Variants in PCLO observed in about 807,000 individuals in gnomAD.
The protein encoded by PCLO is piccolo presynaptic cytomatrix protein, also known as protein piccolo.
PCLO carries 82 observed loss-of-function variants against 427.5 expected under a neutral mutation model. The observed-to-expected ratio is 0.19, with a 90% CI of 0.16 to 0.23. The LOEUF (loss-of-function observed/expected upper bound fraction) is 0.23, where lower values mean the gene tolerates loss of function less well. Among genes scored for constraint, PCLO ranks in the 10% least tolerant of loss-of-function variants. The pLI is 1.00. For missense variants in PCLO, 6,239 were observed against 6,115.9 expected (o/e 1.02, Z -0.67); for synonymous variants, 2,357 against 2,155.4 (o/e 1.09, Z -2.59).
rs758456250 is a variant in PCLO at position 82,953,574 on chromosome 7, G to C, written c.7379C>G (p.Thr2460Ser). The C allele has an allele frequency of 1.2e-6, 2 of 1,612,418 alleles. No homozygotes were observed. The highest frequency in any genetic ancestry group is 2.2e-5 in the East Asian group (1 of 44,792). Residue 2460 changes from threonine (T) to serine (S), a missense_variant, in exon 5 of 25, where the codon ACT becomes AGT. Thr to Ser is a moderately conservative substitution (Grantham distance 58, BLOSUM62 1). Coordinates refer to ENST00000333891, the MANE Select transcript of PCLO (RefSeq NM_033026.6). ...TTATPLFDAV[T>S]TLETTAVLRS... ...CAGAACAGCTGTGGTCTCTAGAGTA[G>C]TAACAGCATCAAACAGAGGTGTAGC...
Position 83,140,326 on chromosome 7 carries a change from C to G in PCLO, c.1894-4670G>C, listed in dbSNP as rs1791830068. Among the ~76,000 whole-genome samples the G allele has an allele frequency of 2.0e-5, 3 of 152,104 alleles. No homozygotes were observed. The South Asian group carries it at 6.2e-4, about 32-fold the overall frequency. On this transcript the variant is annotated intron_variant, in intron 2 of 24. Coordinates refer to ENST00000333891, the MANE Select transcript of PCLO (RefSeq NM_033026.6). ...GTAACCTGTTTAATACAACCACTCC[C>G]CTTCAAACCTCAATGCCTTAATGCC...
chr7:83,069,482 G>C (rs1308489890), intron 3 of PCLO, among the ~76,000 whole-genome samples: 4 of 152,134 alleles, frequency 2.6e-5, no homozygotes, highest in Non-Finnish European at 5.9e-5. Context: ...ATTGACAAGT[G>C]CTTTAAAACT....
rs534008237 is a variant in PCLO, at chr7:82,793,592, T to C, written c.15007+7926A>G. Among the ~76,000 whole-genome samples the C allele has an allele frequency of 1.2e-3, 190 of 152,286 alleles. 1 individual carries two copies. The highest frequency in any genetic ancestry group is 2.5e-3 in the Non-Finnish European group (168 of 68,018). ...GGGCCAATTTTTTTTATTGGGCTAC[T>C]AGAAATGTCTGTACCCCAAAATACA... On this transcript the variant is annotated intron_variant, in intron 22 of 24. Coordinates refer to ENST00000333891, the MANE Select transcript of PCLO (RefSeq NM_033026.6).
At chr7:83,072,598 C>A (rs1372757955) in intron 3 of PCLO, among the ~76,000 whole-genome samples, 2 of 151,932 alleles carry the variant, frequency 1.3e-5, no homozygotes, top group Admixed American at 6.6e-5. Flanking sequence ...GAGACCTTGG[C>A]CATATTACCT....
intron 13 of PCLO, among the ~76,000 whole-genome samples, chr7:82,844,186 AGTT>A (rs1448504642): frequency 6.6e-6 from 1 of 152,164 alleles, no homozygotes; most frequent in Non-Finnish European, 1.5e-5. Flanking sequence ...TTGGTATTTT[AGTT>A]GGCTAGTTTA....
chr7:83,128,254 G>A (rs1244004716), intron 3 of PCLO, among the ~76,000 whole-genome samples: 1 of 151,962 alleles, frequency 6.6e-6, no homozygotes, highest in Admixed American at 6.6e-5. Flanking sequence ...TAAGGTGGGA[G>A]AGTGTAACCA....
At chr7:82,984,933 A>G (rs2107829) in intron 3 of PCLO, among the ~76,000 whole-genome samples, 114,188 of 151,858 alleles carry the variant, frequency 0.75, 43,508 homozygotes, top group East Asian at 0.92. Context: ...AGAGTACTGC[A>G]TAAAATCAAG....
At chr7:83,074,314 G>A (rs1355765641) in intron 3 of PCLO, among the ~76,000 whole-genome samples, 1 of 151,982 alleles carries the variant, frequency 6.6e-6, no homozygotes, top group Non-Finnish European at 1.5e-5. Context: ...TGTTTCATAG[G>A]TAAAAACTGA....
At chr7:82,924,572 G>T (rs945695039) in intron 6 of PCLO, among the ~76,000 whole-genome samples, 2 of 151,994 alleles carry the variant, frequency 1.3e-5, no homozygotes, top group African/African-American at 4.8e-5. Flanking sequence ...TGAGTGTAAG[G>T]AACTGCCAGT....
intron 10 of PCLO, among the ~76,000 whole-genome samples, chr7:82,866,041 T>G (rs926208708): frequency 6.6e-6 from 1 of 152,178 alleles, no homozygotes; most frequent in Non-Finnish European, 1.5e-5. Context: ...TTTCACGTGT[T>G]CACTCAGTTT....
chr7:82,888,205 C>A (rs573894293), intron 9 of PCLO, among the ~76,000 whole-genome samples: 2 of 152,082 alleles, frequency 1.3e-5, no homozygotes, highest in African/African-American at 4.8e-5. Context: ...CTGTTTTGTT[C>A]CACGGATATT....
rs556842973 is a variant in PCLO at position 82,989,973 on chromosome 7, A to G, written c.3301-23486T>C. On this transcript the variant is annotated intron_variant, in intron 3 of 24. Transcript: ENST00000333891. ...GGAAAATATTAAAACTTAAGAGTAA[A>G]GAATTTCCTCTTTAGTAGAAAAAGA... Among the ~76,000 whole-genome samples the G allele has an allele frequency of 1.4e-3, 213 of 152,324 alleles. 1 individual carries two copies. Among genetic ancestry groups the G allele is most frequent in the African/African-American group, 4.7e-3 (197 of 41,570 alleles).
At chr7:83,077,170 AAAG>A (rs1383201371) in intron 3 of PCLO, among the ~76,000 whole-genome samples, 2 of 152,148 alleles carry the variant, frequency 1.3e-5, no homozygotes, top group African/African-American at 4.8e-5. Context: ...AGAGTATAGC[AAAG>A]AAGTGGTATT....
At chr7:83,099,609 T>C (rs148945863) in intron 3 of PCLO, among the ~76,000 whole-genome samples, 8,236 of 152,126 alleles carry the variant, frequency 0.054, 350 homozygotes, top group African/African-American at 0.1. Context: ...CAGGCTGGTC[T>C]CGAACTCCTG....
chr7:82,972,007 G>A (rs918324345), intron 3 of PCLO, among the ~76,000 whole-genome samples: 6 of 151,508 alleles, frequency 4.0e-5, no homozygotes, highest in Non-Finnish European at 8.9e-5. Context: ...CAAACTCAGA[G>A]GCCTCCAAAT....
intron 3 of PCLO, among the ~76,000 whole-genome samples, chr7:83,125,708 C>T (rs943579021): frequency 6.6e-6 from 1 of 152,010 alleles, no homozygotes; most frequent in African/African-American, 2.4e-5. Context: ...AGAGTCATCG[C>T]CACGCCCTAA....
chr7:83,115,971 C>G (rs921431197), intron 3 of PCLO, among the ~76,000 whole-genome samples: 1 of 150,366 alleles, frequency 6.7e-6, no homozygotes, highest in African/African-American at 2.4e-5. Context: ...CTCTCACATG[C>G]ACACACACAC....
chr7:82,787,762 T>TA (rs1362886173), intron 22 of PCLO, among the ~76,000 whole-genome samples: 2 of 151,712 alleles, frequency 1.3e-5, no homozygotes, highest in Admixed American at 6.6e-5. Context: ...GCTGACTATT[T>TA]AAAAAAACCC....
intron 3 of PCLO, among the ~76,000 whole-genome samples, chr7:83,037,263 A>T (rs1788817633): frequency 6.6e-6 from 1 of 152,068 alleles, no homozygotes; most frequent in Non-Finnish European, 1.5e-5. Context: ...TTTCTATAGG[A>T]GAATCAGCAG....
Sources: allele counts gnomAD v4.1 joint callset (sites outside exome capture counted in the v4.1 genomes callset), GRCh38; gene constraint gnomAD v4.1.1; transcripts MANE v1.5; gene names NCBI Gene and HGNC (gene_info 2026-07-23, HGNC 2026-07-21).